RECQL4: variants seen among roughly 807,000 people sequenced by gnomAD.
The protein encoded by RECQL4 is ATP-dependent DNA helicase Q4.
Under a neutral mutation model 128.6 loss-of-function variants are expected in RECQL4, and 158 were observed. That is an observed-to-expected ratio of 1.23 (90% CI 1.08 to 1.40). The LOEUF (loss-of-function observed/expected upper bound fraction) is 1.40. Among genes scored for constraint, RECQL4 ranks in the 40% most tolerant of loss-of-function variants. The pLI, the probability that RECQL4 is intolerant of heterozygous loss-of-function variation, is 0.00. For missense variants in RECQL4, 2,293 were observed against 1,649.8 expected (o/e 1.39, Z -6.75); for synonymous variants, 996 against 678.9 (o/e 1.47, Z -7.26).
chr8:144,517,800 C>G lies in RECQL4; in HGVS notation c.-16G>C. 2 of 1,210,934 alleles carry G rather than the reference C, an allele frequency of 1.7e-6. No homozygotes were observed. The highest frequency in any genetic ancestry group is 3.2e-5 in the South Asian group (1 of 31,680). The allele number at this position is 1,210,934 out of a possible 1,614,324, so 75.0% of individuals were successfully genotyped here. ...GCCGCTCCATGGCGCGCGCGCCCGC[C>G]CGGCCTCCGCGCTTGCGATCGTCCA... On this transcript the variant is annotated 5_prime_UTR_variant, in exon 1 of 21. Transcript: ENST00000617875.
In RECQL4 at chr8:144,511,556, C is replaced by T; in HGVS notation, c.3503-1G>A. ...ACCTGGGCCGGGTAGCAGGGGCTTC[C>T]TACGGTGGAGCCAAGACACAGCCGT... On this transcript the variant is annotated splice_acceptor_variant, in intron 20 of 20. Transcript: ENST00000617875. LOFTEE classifies it high-confidence loss of function. 1 of 1,611,930 alleles carries T rather than the reference C, an allele frequency of 6.2e-7. No homozygotes were observed. Among genetic ancestry groups the T allele is most frequent in the Non-Finnish European group, 8.5e-7 (1 of 1,179,384 alleles).
At position 144,511,551 on chromosome 8, in the gene RECQL4, G is replaced by A. The variant is rs370738615; in HGVS notation, c.3507C>T (p.Ser1169=). Residue 1169 remains serine (S), a synonymous_variant, in exon 21 of 21, where the codon AGC becomes AGT. Coordinates refer to ENST00000617875, the MANE Select transcript of RECQL4 (RefSeq NM_004260.4). ...AVARIFHGIG[S]PCYPAQVYGQ... Reference sequence around the variant, plus strand: ...CGTACACCTGGGCCGGGTAGCAGGGGCTTCCTACGGTGGAGCCAAGACACA... The same window carrying A: ...CGTACACCTGGGCCGGGTAGCAGGGACTTCCTACGGTGGAGCCAAGACACA... 1.9e-5 allele frequency: 30 copies of A among 1,612,028 alleles called. No homozygotes were observed. The highest frequency in any genetic ancestry group is 3.3e-5 in the South Asian group (3 of 91,084).
At position 144,514,489 on chromosome 8, in the gene RECQL4, T is replaced by C. The variant is rs1486403332; in HGVS notation, c.1657A>G (p.Ile553Val). ...TGCTTCCTGGTCATGCCCGAGTGTATGCAGGCCGCCTTGAGACACGGTGGC... is the reference window on the plus strand; with the variant it reads ...TGCTTCCTGGTCATGCCCGAGTGTACGCAGGCCGCCTTGAGACACGGTGGC... Reference protein sequence around the residue: ...GLPPCLKAACIHSGMTRKQRE... With the variant: ...GLPPCLKAACVHSGMTRKQRE... The change falls in exon 10 of 21, where the codon ATA becomes GTA. Residue 553 changes from isoleucine to valine, a missense_variant. Transcript: ENST00000617875. The C allele has an allele frequency of 1.2e-6, 2 of 1,612,234 alleles. No homozygotes were observed. The highest frequency in any genetic ancestry group is 1.7e-6 in the Non-Finnish European group (2 of 1,179,600).
Position 144,512,427 on chromosome 8 carries a change from A to C in RECQL4, c.3020T>G (p.Leu1007Arg). ...CTCGTGGTCCCACTGCAGCTGGCAGAGAGCCCGCCGCACAGAGGCCAGCTC... is the reference window on the plus strand; with the variant it reads ...CTCGTGGTCCCACTGCAGCTGGCAGCGAGCCCGCCGCACAGAGGCCAGCTC... Reference protein sequence around the residue: ...GWELASVRRALCQLQWDHEPR... With the variant: ...GWELASVRRARCQLQWDHEPR... The change falls in exon 17 of 21, where the codon CTC becomes CGC. Residue 1007 changes from leucine (L) to arginine (R), a missense_variant. Transcript: ENST00000617875. 6.2e-7 allele frequency: 1 copy of C among 1,608,706 alleles called. No individual in the cohort carries two copies. Among genetic ancestry groups the C allele is most frequent in the Non-Finnish European group, 8.5e-7 (1 of 1,177,224 alleles).
chr8:144,515,657 AG>A, intron 6 of RECQL4, 106 bp downstream of exon 6: 1 of 1,488,988 alleles, frequency 6.7e-7, no homozygotes, highest in Non-Finnish European at 9.1e-7. Flanking sequence ...GGCCTGGACC[AG>A]GGGTACCTGG....
intron 9 of RECQL4, 127 bp downstream of exon 9, chr8:144,514,807 GAC>G: frequency 8.4e-7 from 1 of 1,189,912 alleles, no homozygotes; most frequent in Non-Finnish European, 1.2e-6. Flanking sequence ...CCAAGACTGG[GAC>G]TGAGGCCACA....
chr8:144,517,683 C>A lies in RECQL4; in HGVS notation c.84+18G>T. Reference sequence around the variant, plus strand: ...GCGGGCCGCGCCCTCAGCCCCTCGGCCCCTGGGCAGCCCGCACCTGGCTCG... The same window carrying A: ...GCGGGCCGCGCCCTCAGCCCCTCGGACCCTGGGCAGCCCGCACCTGGCTCG... On this transcript the variant is annotated intron_variant, in intron 1 of 20. Transcript: ENST00000617875. The A allele has an allele frequency of 6.9e-7, 1 of 1,439,018 alleles. No individual in the cohort carries two copies. Among genetic ancestry groups the A allele is most frequent in the Non-Finnish European group, 9.1e-7 (1 of 1,101,342 alleles). The allele number at this position is 1,439,018 out of a possible 1,614,324, so 89.1% of individuals were successfully genotyped here. A position where few individuals can be genotyped will look rare whatever the true frequency, so the allele number is the denominator to read the frequency against.
In RECQL4 at chr8:144,514,032, C is replaced by CGTCACTG. The variant is rs757470326; in HGVS notation, c.1947_1953dup (p.Val652GlnfsTer2). Reference sequence around the variant, plus strand: ...TCAGCCACAGCCAGGTGCTGTGCCACGTCACTGGCAGTGCGGCGTGTGGCT... The same window carrying CGTCACTG: ...TCAGCCACAGCCAGGTGCTGTGCCACGTCACTGGTCACTGGCAGTGCGGCGTGTGGCT... On this transcript the variant is annotated stop_gained and frameshift_variant, in exon 12 of 21. Coordinates refer to ENST00000617875, the MANE Select transcript of RECQL4 (RefSeq NM_004260.4). LOFTEE classifies it high-confidence loss of function. 1.3e-6 allele frequency: 2 copies of CGTCACTG among 1,575,652 alleles called. No homozygotes were observed. Among genetic ancestry groups the CGTCACTG allele is most frequent in the East Asian group, 4.7e-5 (2 of 42,536 alleles).
In RECQL4 at chr8:144,516,426, ACCAGGAC is replaced by A; in HGVS notation, c.686_692del (p.Gly229ValfsTer62). On this transcript the variant is annotated frameshift_variant, in exon 5 of 21. Transcript: ENST00000617875. LOFTEE classifies it high-confidence loss of function. ...AAGCCTCTGGGCCCTGGGAGCCAGC[ACCAGGAC>A]CAAGGACAGCCGACTCACCAGGGAT... 6.2e-7 allele frequency: 1 copy of A among 1,609,226 alleles called. No homozygotes were observed.
rs1186098510 is a variant in RECQL4 at position 144,512,411 on chromosome 8, C to T, written c.3036G>A (p.Trp1012Ter). 6.2e-7 allele frequency: 1 copy of T among 1,607,250 alleles called. No homozygotes were observed. Among genetic ancestry groups the T allele is most frequent in the African/African-American group, 1.3e-5 (1 of 74,850 alleles). The change falls in exon 17 of 21, where the codon TGG becomes TGA. Residue 1012 changes from tryptophan (W) to a stop codon, truncating the protein, a stop_gained. Transcript: ENST00000617875. LOFTEE classifies it high-confidence loss of function. ...GCGCACCTGTCCTGGGCTCGTGGTC[C>T]CACTGCAGCTGGCAGAGAGCCCGCC... ...SVRRALCQLQ[W>*]DHEPRTGVRR...
chr8:144,515,085 G>A lies in RECQL4; in HGVS notation c.1484-13C>T, dbSNP rs1458780039. On this transcript the variant is annotated splice_polypyrimidine_tract_variant and intron_variant, in intron 8 of 20. Transcript: ENST00000617875. The stretch of plus-strand genomic sequence containing the variant: ...AGCGTGGAGATGCCTGGATGGGGCG[G>A]GAGTCAGCAGCAGGGTTCTGCAGCC... 3.8e-6 allele frequency: 6 copies of A among 1,598,950 alleles called. No individual in the cohort carries two copies. Among genetic ancestry groups the A allele is most frequent in the Non-Finnish European group, 5.1e-6 (6 of 1,173,882 alleles).
rs760522191 is a variant in RECQL4 at position 144,513,050 on chromosome 8, G to A, written c.2552C>T (p.Pro851Leu). Residue 851 changes from proline to leucine, a missense_variant, in exon 15 of 21, where the codon CCA (proline) becomes CTA (leucine). Pro to Leu is a moderately conservative substitution (Grantham distance 98). Transcript: ENST00000617875. ...CCTGGTGCAGGTGCAGGTGCAGGCTGGGAACACGCGCTGTACCAGCCTCTT... is the reference window on the plus strand; with the variant it reads ...CCTGGTGCAGGTGCAGGTGCAGGCTAGGAACACGCGCTGTACCAGCCTCTT... ...AVKRLVQRVF[P>L]ACTCTCTRPP... 6.3e-7 allele frequency: 1 copy of A among 1,577,064 alleles called. No homozygotes were observed. Among genetic ancestry groups the A allele is most frequent in the Non-Finnish European group, 8.6e-7 (1 of 1,161,808 alleles).
At chr8:144,513,834 A>AGGGGTCGGCGTGGGCGGCGGGGAGTGAGG in intron 12 of RECQL4, 94 bp downstream of exon 12, 1 of 566,268 alleles carries the variant, frequency 1.8e-6, no homozygotes, top group Non-Finnish European at 2.6e-6. Flanking sequence ...GGGGAGTGAG[A>AGGGGTCGGCGTGGGCGGCGGGGAGTGAGG]AGGGGTCGGC....
chr8:144,512,276 A>G lies in RECQL4; in HGVS notation c.3104T>C (p.Phe1035Ser). ...CAAGTCCCCCGGGCTGCGAAGGTGG[A>G]AGGCCAGCTCACTGAACTCCACAAG... ...GVLVEFSELAFHLRSPGDLTA... is the reference protein window; with the variant it reads ...GVLVEFSELASHLRSPGDLTA... Residue 1035 changes from phenylalanine to serine, a missense_variant, in exon 18 of 21, where the codon TTC becomes TCC. By Grantham distance (155) the Phe-to-Ser change is radical. Coordinates refer to ENST00000617875, the MANE Select transcript of RECQL4 (RefSeq NM_004260.4). 1 of 1,612,516 alleles carries G rather than the reference A, an allele frequency of 6.2e-7. No individual in the cohort carries two copies. The highest frequency in any genetic ancestry group is 8.5e-7 in the Non-Finnish European group (1 of 1,179,782).
rs372194996 is a variant in RECQL4, at chr8:144,515,923, C to T, written c.1132-33G>A. ...GTGCCCACATAGGAGGGTCACTGGG[C>T]GGGAAATACGGGAGGGCTGAGGGGA... is the stretch of plus-strand genomic sequence containing the variant. On this transcript the variant is annotated intron_variant, in intron 5 of 20. Coordinates refer to ENST00000617875, the MANE Select transcript of RECQL4 (RefSeq NM_004260.4). 1.5e-4 allele frequency: 241 copies of T among 1,612,328 alleles called. 1 individual carries two copies. The East Asian group carries it at 2.0e-3, about 14-fold the overall frequency.
chr8:144,513,768 AGTGGGGAGTGAGGAGGGGTCGGC>A lies in RECQL4; in HGVS notation c.2059-79_2059-57del, dbSNP rs1412288717. 7.9e-3 allele frequency: 8,041 copies of A among 1,012,688 alleles called. 98 individuals are homozygous for A. The highest frequency in any genetic ancestry group is 0.016 in the African/African-American group (490 of 31,358). The allele number at this position is 1,012,688 out of a possible 1,614,324, so 62.7% of individuals were successfully genotyped here. On this transcript the variant is annotated intron_variant, in intron 12 of 20. Transcript: ENST00000617875. ...GGAGTGAGGAGGGGTCGGCGTGTGC[AGTGGGGAGTGAGGAGGGGTCGGC>A]GTGGGGAGTGAGGAGGGGTCGGCGT...
In RECQL4 at chr8:144,512,889, G is replaced by A. The variant is rs778939539; in HGVS notation, c.2713C>T (p.Pro905Ser). Reference protein sequence around the residue: ...RVCMGHERALPIQLTVQALDM... With the variant: ...RVCMGHERALSIQLTVQALDM... ...AAAGCCTGTACGGTAAGCTGTATTG[G>A]GAGTGCCCGCTCATGGCCCATGCAG... is the stretch of plus-strand genomic sequence containing the variant. The change falls in exon 15 of 21, where the codon CCA becomes TCA. Residue 905 changes from proline (P) to serine (S), a missense_variant. By Grantham distance (74) the Pro-to-Ser change is moderately conservative (BLOSUM62 -1). Transcript: ENST00000617875. 3 of 1,594,420 alleles carry A rather than the reference G, an allele frequency of 1.9e-6. No individual in the cohort carries two copies. In the East Asian group the frequency reaches 6.8e-5, roughly 36 times the overall value.
intron 4 of RECQL4, 121 bp from the exon 5 acceptor site, chr8:144,516,885 T>A: frequency 1.4e-6 from 2 of 1,380,712 alleles, no homozygotes; most frequent in Non-Finnish European, 1.9e-6. Flanking sequence ...AAGGCTGGAC[T>A]AGAAAGGGAG....
intron 9 of RECQL4, among the ~76,000 whole-genome samples, 182 bp from the exon 10 acceptor site, chr8:144,514,707 C>G (rs557914464): frequency 1.4e-4 from 22 of 152,232 alleles, no homozygotes; most frequent in Middle Eastern, 3.4e-3. Flanking sequence ...CCAGAGCAGA[C>G]AGACTGAAGT....
Sources: allele counts gnomAD v4.1 joint callset (sites outside exome capture counted in the v4.1 genomes callset), GRCh38; gene constraint gnomAD v4.1.1; transcripts MANE v1.5; gene names NCBI Gene and HGNC (gene_info 2026-07-23, HGNC 2026-07-21).